Variants in DRD1 observed in about 807,000 individuals in gnomAD.
The protein encoded by DRD1 is dopamine receptor D1.
Under a neutral mutation model 23.8 loss-of-function variants are expected in DRD1, and 2 were observed. The ratio of observed to expected loss-of-function variants is 0.08; its 90% CI spans 0.03 to 0.26. DRD1 has a LOEUF of 0.26. Ranked by LOEUF, DRD1 falls within the 10% of genes least tolerant of loss-of-function variation. The pLI is 1.00. For missense variants in DRD1, 376 were observed against 559.0 expected (o/e 0.67, Z 3.30); for synonymous variants, 218 against 225.7 (o/e 0.97, Z 0.30).
Position 175,440,665 on chromosome 5 carries a change from G to A in DRD1, c.*1094C>T, listed in dbSNP as rs890277678. 7 of 152,760 alleles carry A rather than the reference G, an allele frequency of 4.6e-5. No individual in the cohort carries two copies. Among genetic ancestry groups the A allele is most frequent in the South Asian group, 2.1e-4 (1 of 4,826 alleles). 9.5% of individuals were successfully genotyped at this position (152,760 alleles called of 1,614,324 possible). A position where few individuals can be genotyped will look rare whatever the true frequency, so the allele number is the denominator to read the frequency against. On this transcript the variant is annotated 3_prime_UTR_variant, in exon 2 of 2. Coordinates refer to ENST00000393752, the MANE Select transcript of DRD1 (RefSeq NM_000794.5). ...AGATCTCTCTCCAGGAAAGCCATTT[G>A]TGTGGTTCAGAAAAACTACCTGACA... is the stretch of plus-strand genomic sequence containing the variant.
rs1330000472 is a variant in DRD1, at chr5:175,440,164, C to G, written c.*1595G>C. 2 of 151,766 alleles carry G rather than the reference C, an allele frequency of 1.3e-5. No individual in the cohort carries two copies. The highest frequency in any genetic ancestry group is 2.9e-5 in the Non-Finnish European group (2 of 67,944). The allele number at this position is 151,766 out of a possible 1,614,324, so 9.4% of individuals were successfully genotyped here. On this transcript the variant is annotated 3_prime_UTR_variant, in exon 2 of 2. Coordinates refer to ENST00000393752, the MANE Select transcript of DRD1 (RefSeq NM_000794.5). ...TATTTTTCAGATTTTTTTTTCTTTT[C>G]ACGGATTGCATCTAAATGTTAAGTT...
Position 175,440,255 on chromosome 5 carries a change from T to C in DRD1, c.*1504A>G, listed in dbSNP as rs970621103. The stretch of plus-strand genomic sequence containing the variant: ...AAACTCTGTTGAAATGCCCCACGAG[T>C]TGGCATCTGGCAAGGGAGGCTTATG... On this transcript the variant is annotated 3_prime_UTR_variant, in exon 2 of 2. Transcript: ENST00000393752. 2 of 152,174 alleles carry C rather than the reference T, an allele frequency of 1.3e-5. No individual in the cohort carries two copies. Among genetic ancestry groups the C allele is most frequent in the African/African-American group, 4.8e-5 (2 of 41,530 alleles). The allele number at this position is 152,174 out of a possible 1,614,324, so 9.4% of individuals were successfully genotyped here.
rs1758560528 is a variant in DRD1, at chr5:175,443,508, C to T, written c.-409G>A. On this transcript the variant is annotated 5_prime_UTR_variant, in exon 2 of 2. Transcript: ENST00000393752. The stretch of plus-strand genomic sequence containing the variant: ...TCTGGTGGTGACAGGAGATTCTCCC[C>T]TTCTGAGACTCAGCTGAAAATACAT... 4.9e-6 allele frequency: 1 copy of T among 203,536 alleles called. No individual in the cohort carries two copies. The highest frequency in any genetic ancestry group is 2.3e-5 in the African/African-American group (1 of 42,580). The allele number at this position is 203,536 out of a possible 1,614,324, so 12.6% of individuals were successfully genotyped here.
rs1192729364 is a variant in DRD1, at chr5:175,443,525, A to G, written c.-426T>C. The G allele has an allele frequency of 5.1e-6, 1 of 197,134 alleles. No homozygotes were observed. The highest frequency in any genetic ancestry group is 1.4e-4 in the East Asian group (1 of 7,092). 12.2% of individuals were successfully genotyped at this position (197,134 alleles called of 1,614,324 possible). A position where few individuals can be genotyped will look rare whatever the true frequency, so the allele number is the denominator to read the frequency against. On this transcript the variant is annotated 5_prime_UTR_variant, in exon 2 of 2. Coordinates refer to ENST00000393752, the MANE Select transcript of DRD1 (RefSeq NM_000794.5). ...ATTCTCCCCTTCTGAGACTCAGCTG[A>G]AAATACATGTCTTCTCGCTCCTCCA... is the stretch of plus-strand genomic sequence containing the variant.
rs2113205345 is a variant in DRD1 at position 175,440,956 on chromosome 5, C to T, written c.*803G>A. 6.6e-6 allele frequency: 1 copy of T among 152,650 alleles called. No homozygotes were observed. The highest frequency in any genetic ancestry group is 2.4e-5 in the African/African-American group (1 of 41,562). 9.5% of individuals were successfully genotyped at this position (152,650 alleles called of 1,614,324 possible). A position where few individuals can be genotyped will look rare whatever the true frequency, so the allele number is the denominator to read the frequency against. On this transcript the variant is annotated 3_prime_UTR_variant, in exon 2 of 2. Coordinates refer to ENST00000393752, the MANE Select transcript of DRD1 (RefSeq NM_000794.5). The stretch of plus-strand genomic sequence containing the variant: ...CATTTATAGCATTTGTCAATTCTCA[C>T]CTTGCATTTATCTGTGTCCATGAAT...
rs1332670188 is a variant in DRD1 at position 175,441,337 on chromosome 5, AC to A, written c.*421del. On this transcript the variant is annotated 3_prime_UTR_variant, in exon 2 of 2. Transcript: ENST00000393752. ...AAATAATTTATGAAGGCATGCACCT[AC>A]CTTTACAATCTGAAAACTTTGCTGG... 1 of 156,934 alleles carries A rather than the reference AC, an allele frequency of 6.4e-6. No homozygotes were observed. The highest frequency in any genetic ancestry group is 1.4e-5 in the Non-Finnish European group (1 of 71,152). The allele number at this position is 156,934 out of a possible 1,614,324, so 9.7% of individuals were successfully genotyped here.
Position 175,442,020 on chromosome 5 carries a change from C to A in DRD1, c.1080G>T (p.Thr360=). ...CGGCCCCATTGTTATTGATACTCAC[C>A]GTCTCTATGGCATTATTCGTCGCAG... is the stretch of plus-strand genomic sequence containing the variant. ...LCPATNNAIE[T]VSINNNGAAM... The change falls in exon 2 of 2, where the codon ACG becomes ACT. Residue 360 remains threonine, a synonymous_variant. Transcript: ENST00000393752. This position sits in a 1 kb window ranked among gnomAD's most constrained non-coding sequence, Gnocchi z 7.3. 6.2e-7 allele frequency: 1 copy of A among 1,614,062 alleles called. No homozygotes were observed. The highest frequency in any genetic ancestry group is 8.5e-7 in the Non-Finnish European group (1 of 1,180,028).
At position 175,441,574 on chromosome 5, in the gene DRD1, T is replaced by C. The variant is rs1758518107; in HGVS notation, c.*185A>G. ...TTTGTAGTGTCCCTGTTTGATTGAC[T>C]ATGAACAACACAGAAAATACACTGG... On this transcript the variant is annotated 3_prime_UTR_variant, in exon 2 of 2. Coordinates refer to ENST00000393752, the MANE Select transcript of DRD1 (RefSeq NM_000794.5). 1 of 687,586 alleles carries C rather than the reference T, an allele frequency of 1.5e-6. No homozygotes were observed. The highest frequency in any genetic ancestry group is 3.4e-5 in the Admixed American group (1 of 29,640). The allele number at this position is 687,586 out of a possible 1,614,324, so 42.6% of individuals were successfully genotyped here. A position where few individuals can be genotyped will look rare whatever the true frequency, so the allele number is the denominator to read the frequency against.
rs1334845406 is a variant in DRD1 at position 175,441,216 on chromosome 5, T to A, written c.*543A>T. On this transcript the variant is annotated 3_prime_UTR_variant, in exon 2 of 2. Coordinates refer to ENST00000393752, the MANE Select transcript of DRD1 (RefSeq NM_000794.5). ...ATATCATAAATTAAAAATATCCATA[T>A]ATACAATAAATAAATAGAACCAATA... The A allele has an allele frequency of 6.6e-6, 1 of 151,990 alleles. No homozygotes were observed. Among genetic ancestry groups the A allele is most frequent in the Non-Finnish European group, 1.5e-5 (1 of 67,956 alleles). The allele number at this position is 151,990 out of a possible 1,614,324, so 9.4% of individuals were successfully genotyped here.
chr5:175,444,156 G>A lies in DRD1; in HGVS notation c.-941C>T, dbSNP rs1758574165. 6.6e-6 allele frequency: 1 copy of A among 152,304 alleles called. No individual in the cohort carries two copies. The highest frequency in any genetic ancestry group is 1.5e-5 in the Non-Finnish European group (1 of 68,122). The allele number at this position is 152,304 out of a possible 1,614,324, so 9.4% of individuals were successfully genotyped here. On this transcript the variant is annotated 5_prime_UTR_variant, in exon 1 of 2. Transcript: ENST00000393752. ...GGAGCCTGTGGCAATGCGAGGCAGC[G>A]AGCCGAGCTGGCACCAGCAAGCGCA...
chr5:175,442,395 T>A lies in DRD1; in HGVS notation c.705A>T (p.Ala235=). 1.9e-6 allele frequency: 3 copies of A among 1,614,230 alleles called. No individual in the cohort carries two copies. Among genetic ancestry groups the A allele is most frequent in the East Asian group, 2.2e-5 (1 of 44,876 alleles). ...TGGTCTGGCAATTCTTGGCGTGGAC[T>A]GCTGCCCTCTCCAAGGCCGCAATGC... ...IRRIAALERA[A]VHAKNCQTTT... The change falls in exon 2 of 2, where the codon GCA becomes GCT. Residue 235 remains alanine (A), a synonymous_variant. Transcript: ENST00000393752. The surrounding 1 kb of genome is among the most constrained non-coding windows in gnomAD (Gnocchi z 7.3).
In DRD1 at chr5:175,441,950, C is replaced by T; in HGVS notation, c.1150G>A (p.Glu384Lys). Residue 384 changes from glutamate to lysine, a missense_variant, in exon 2 of 2, where the codon GAG becomes AAG. Coordinates refer to ENST00000393752, the MANE Select transcript of DRD1 (RefSeq NM_000794.5). Reference protein sequence around the residue: ...HHEPRGSISKECNLVYLIPHA... With the variant: ...HHEPRGSISKKCNLVYLIPHA... ...GGGATCAGGTAAACCAGATTGCACT[C>T]CTTGGAGATGGAGCCTCGTGGCTCA... 1 of 1,614,144 alleles carries T rather than the reference C, an allele frequency of 6.2e-7. No individual in the cohort carries two copies.
Position 175,443,167 on chromosome 5 carries a change from G to A in DRD1, c.-68C>T. The A allele has an allele frequency of 6.5e-7, 1 of 1,547,366 alleles. No homozygotes were observed. ...GTTCCCAAGCAGGGAATAGGGGTCA[G>A]TCAGATTTCCAGGAGTCCTCCCCAC... is the stretch of plus-strand genomic sequence containing the variant. On this transcript the variant is annotated 5_prime_UTR_variant, in exon 2 of 2. Coordinates refer to ENST00000393752, the MANE Select transcript of DRD1 (RefSeq NM_000794.5).
chr5:175,440,388 A>G lies in DRD1; in HGVS notation c.*1371T>C, dbSNP rs978816693. The G allele has an allele frequency of 1.3e-5, 2 of 152,164 alleles. No homozygotes were observed. The highest frequency in any genetic ancestry group is 2.9e-5 in the Non-Finnish European group (2 of 68,034). 9.4% of individuals were successfully genotyped at this position (152,164 alleles called of 1,614,324 possible). A position where few individuals can be genotyped will look rare whatever the true frequency, so the allele number is the denominator to read the frequency against. On this transcript the variant is annotated 3_prime_UTR_variant, in exon 2 of 2. Coordinates refer to ENST00000393752, the MANE Select transcript of DRD1 (RefSeq NM_000794.5). ...TGATGGCTTTGGGGGAGCTCAACAC[A>G]CCCAAAGGGAAGGATTCTTCTGTTT...
In DRD1 at chr5:175,441,451, A is replaced by G; in HGVS notation, c.*308T>C. ...AATTTGATTTTAAGTGAAGCTGTTCACTGTTGATTCTTTGCCCTATTTGGT... is the reference window on the plus strand; with the variant it reads ...AATTTGATTTTAAGTGAAGCTGTTCGCTGTTGATTCTTTGCCCTATTTGGT... On this transcript the variant is annotated 3_prime_UTR_variant, in exon 2 of 2. Transcript: ENST00000393752. 1 of 242,226 alleles carries G rather than the reference A, an allele frequency of 4.1e-6. No individual in the cohort carries two copies. The highest frequency in any genetic ancestry group is 8.0e-6 in the Non-Finnish European group (1 of 125,270). The allele number at this position is 242,226 out of a possible 1,614,324, so 15.0% of individuals were successfully genotyped here. A position where few individuals can be genotyped will look rare whatever the true frequency, so the allele number is the denominator to read the frequency against.
At position 175,443,041 on chromosome 5, in the gene DRD1, A is replaced by T. The variant is rs961270421; in HGVS notation, c.59T>A (p.Phe20Tyr). The change falls in exon 2 of 2, where the codon TTC becomes TAC. Residue 20 changes from phenylalanine (F) to tyrosine (Y), a missense_variant. Physicochemically the swap from Phe to Tyr is conservative, Grantham distance 22. Around this residue, in one of 5 missense-constraint regions of DRD1, gnomAD observed 47 missense variants for 39.4 expected, o/e 1.19. Coordinates refer to ENST00000393752, the MANE Select transcript of DRD1 (RefSeq NM_000794.5). Reference sequence around the variant, plus strand: ...ACAGGCAGTGAGGATACGAACAGAGAAGTCCCTCTCCACCACCAGCCCAGT... The same window carrying T: ...ACAGGCAGTGAGGATACGAACAGAGTAGTCCCTCTCCACCACCAGCCCAGT... ...DGTGLVVERD[F>Y]SVRILTACFL... 10 of 1,614,146 alleles carry T rather than the reference A, an allele frequency of 6.2e-6. No individual in the cohort carries two copies. Among genetic ancestry groups the T allele is most frequent in the Non-Finnish European group, 8.5e-6 (10 of 1,180,006 alleles).
Position 175,441,627 on chromosome 5 carries a change from G to T in DRD1, c.*132C>A. The T allele has an allele frequency of 8.8e-7, 1 of 1,133,142 alleles. No individual in the cohort carries two copies. Among genetic ancestry groups the T allele is most frequent in the Non-Finnish European group, 1.2e-6 (1 of 808,716 alleles). The allele number at this position is 1,133,142 out of a possible 1,614,324, so 70.2% of individuals were successfully genotyped here. On this transcript the variant is annotated 3_prime_UTR_variant, in exon 2 of 2. Coordinates refer to ENST00000393752, the MANE Select transcript of DRD1 (RefSeq NM_000794.5). ...TGTATTTGGAAACGGAGTTAATTGTGTGTTGGAAAGCAGCAGAGGGCTCTC... is the reference window on the plus strand; with the variant it reads ...TGTATTTGGAAACGGAGTTAATTGTTTGTTGGAAAGCAGCAGAGGGCTCTC...
At position 175,443,981 on chromosome 5, in the gene DRD1, G is replaced by A. The variant is rs1256494815; in HGVS notation, c.-766C>T. ...GCTCCTGGGCGCTCGGAGCTTCCTT[G>A]GGAGAGAGCACTCCCAGGACTGGTC... On this transcript the variant is annotated 5_prime_UTR_variant, in exon 1 of 2. Transcript: ENST00000393752. The A allele has an allele frequency of 6.6e-6, 1 of 152,400 alleles. No individual in the cohort carries two copies. Among genetic ancestry groups the A allele is most frequent in the East Asian group, 1.9e-4 (1 of 5,176 alleles). The allele number at this position is 152,400 out of a possible 1,614,324, so 9.4% of individuals were successfully genotyped here. A position where few individuals can be genotyped will look rare whatever the true frequency, so the allele number is the denominator to read the frequency against.
In DRD1 at chr5:175,441,068, A is replaced by G. The variant is rs1758511302; in HGVS notation, c.*691T>C. On this transcript the variant is annotated 3_prime_UTR_variant, in exon 2 of 2. Transcript: ENST00000393752. ...TACACATGAACATTTAGAATCTCAC[A>G]GAGTCTGTGTGTTTGCTTCATTGGC... The G allele has an allele frequency of 6.7e-6, 1 of 149,672 alleles. No individual in the cohort carries two copies. The highest frequency in any genetic ancestry group is 1.5e-5 in the Non-Finnish European group (1 of 67,380). 9.3% of individuals were successfully genotyped at this position (149,672 alleles called of 1,614,324 possible). A position where few individuals can be genotyped will look rare whatever the true frequency, so the allele number is the denominator to read the frequency against.
Sources: allele counts gnomAD v4.1 joint callset, GRCh38; gene constraint gnomAD v4.1.1; regional missense constraint gnomAD v4.1.1; non-coding constraint Gnocchi (gnomAD v3.1); transcripts MANE v1.5; gene names NCBI Gene and HGNC (gene_info 2026-07-23, HGNC 2026-07-21).